Variants in JAK2 observed in about 807,000 individuals in gnomAD.
The protein encoded by JAK2 is Janus kinase 2.
A neutral mutation model predicts 139.3 loss-of-function variants in JAK2; 86 were observed. The observed-to-expected ratio is 0.62, with a 90% CI of 0.52 to 0.74. The LOEUF is 0.74. JAK2 is among the 30% of genes least tolerant of loss of function. The probability of loss-of-function intolerance (pLI) is 0.00; values close to 1 mark genes in which losing one functional copy is unlikely to be tolerated. For missense variants in JAK2, 1,421 were observed against 1,360.3 expected (o/e 1.04, Z -0.70); for synonymous variants, 490 against 437.7 (o/e 1.12, Z -1.49).
intron 5 of JAK2, among the ~76,000 whole-genome samples, chr9:5,049,662 G>GA (rs1251242072): frequency 6.6e-6 from 1 of 152,162 alleles, no homozygotes; most frequent in Non-Finnish European, 1.5e-5. Flanking sequence ...CTTGATGACT[G>GA]AGACCACATC....
chr9:5,012,100 T>C lies in JAK2; in HGVS notation c.-25-9863T>C, dbSNP rs1366716200. Among the ~76,000 whole-genome samples the C allele has an allele frequency of 3.9e-5, 6 of 152,192 alleles. No individual in the cohort carries two copies. The East Asian group carries it at 1.2e-3, about 29-fold the overall frequency. On this transcript the variant is annotated intron_variant, in intron 2 of 24. Coordinates refer to ENST00000381652, the MANE Select transcript of JAK2 (RefSeq NM_004972.4). The stretch of plus-strand genomic sequence containing the variant: ...CCCACTGACTCCCATTTTCCTGAGA[T>C]TTCTGCCCTCAATTTTTGGCTTTTC...
chr9:5,124,316 T>G (rs1474752284), intron 23 of JAK2, among the ~76,000 whole-genome samples: 1 of 151,810 alleles, frequency 6.6e-6, no homozygotes, highest in East Asian at 1.9e-4. Flanking sequence ...TTCTCTAGGT[T>G]TTTTTTCTAG....
In JAK2 at chr9:5,126,462, T is replaced by C. The variant is rs1312674050; in HGVS notation, c.3291+16T>C. ...CCCAGATGAGGTAACAATTTTTTTT[T>C]AATCCAGGGTAGTCATGCATTTTCT... On this transcript the variant is annotated intron_variant, in intron 24 of 24. Transcript: ENST00000381652. 6.7e-7 allele frequency: 1 copy of C among 1,499,978 alleles called. No individual in the cohort carries two copies. Among genetic ancestry groups the C allele is most frequent in the African/African-American group, 1.4e-5 (1 of 72,076 alleles). 92.9% of individuals were successfully genotyped at this position (1,499,978 alleles called of 1,614,324 possible).
rs143579096 is a variant in JAK2 at position 5,020,174 on chromosome 9, C to T, written c.-25-1789C>T. ...TTGTCTGTGCTTATGTCGGCAGTGA[C>T]GGCGATTGGCTGGGTAGGCAAGTCC... On this transcript the variant is annotated intron_variant, in intron 2 of 24. Transcript: ENST00000381652. 8.2e-3 allele frequency among the ~76,000 whole-genome samples: 1,254 copies of T among 152,158 alleles called. 14 individuals carry two copies. The highest frequency in any genetic ancestry group is 0.029 in the African/African-American group (1,189 of 41,494).
At chr9:5,041,537 C>T (rs1021394951) in intron 4 of JAK2, 3 of 537,120 alleles carry the variant, frequency 5.6e-6, no homozygotes, top group Admixed American at 2.2e-5. Context: ...AAGTGCTCTG[C>T]GAGAACTTCC....
intron 22 of JAK2, among the ~76,000 whole-genome samples, chr9:5,118,047 A>T (rs959047370): frequency 2.0e-5 from 3 of 152,330 alleles, no homozygotes; most frequent in East Asian, 3.8e-4. Context: ...TGACATTTAA[A>T]TAACAGCTAT....
At chr9:5,065,138 T>A in intron 9 of JAK2, 98 bp downstream of exon 9, 3 of 723,232 alleles carry the variant, frequency 4.1e-6, no homozygotes, top group Non-Finnish European at 6.0e-6. Flanking sequence ...TAGAAAAAAA[T>A]AATTTGACAA....
At chr9:5,023,806 G>C (rs1822593038) in intron 3 of JAK2, among the ~76,000 whole-genome samples, 1 of 152,242 alleles carries the variant, frequency 6.6e-6, no homozygotes, top group East Asian at 1.9e-4. Flanking sequence ...CAGTTATCTT[G>C]ACTATATTGT....
chr9:5,032,129 G>A (rs569668309), intron 4 of JAK2, among the ~76,000 whole-genome samples: 26 of 152,342 alleles, frequency 1.7e-4, no homozygotes, highest in Middle Eastern at 3.4e-3. Context: ...AGGGTCCTAC[G>A]CCCACGGAGC....
intron 14 of JAK2, among the ~76,000 whole-genome samples, chr9:5,075,913 T>A (rs1819278216): frequency 6.6e-6 from 1 of 152,118 alleles, no homozygotes; most frequent in South Asian, 2.1e-4. Context: ...TCATGGTTCA[T>A]GGAAGGAGAT....
At chr9:5,022,976 G>T (rs532007667) in intron 3 of JAK2, among the ~76,000 whole-genome samples, 66 of 152,276 alleles carry the variant, frequency 4.3e-4, no homozygotes, top group African/African-American at 1.4e-3. Flanking sequence ...ATCAGTATAG[G>T]TCAGAATAAC....
intron 22 of JAK2, among the ~76,000 whole-genome samples, chr9:5,095,957 C>T (rs1164687491): frequency 6.6e-6 from 1 of 152,172 alleles, no homozygotes; most frequent in East Asian, 1.9e-4. Flanking sequence ...CCTATAGTTT[C>T]ACTAATTCTA....
chr9:5,030,039 T>C (rs1452072116), intron 4 of JAK2, 133 bp downstream of exon 4: 1 of 681,820 alleles, frequency 1.5e-6, no homozygotes, highest in Non-Finnish European at 2.4e-6. Context: ...TAAGATTTCA[T>C]TTAAGATTCT....
intron 5 of JAK2, among the ~76,000 whole-genome samples, chr9:5,050,349 G>A (rs1586704320): frequency 6.6e-6 from 1 of 152,258 alleles, no homozygotes; most frequent in South Asian, 2.1e-4. Flanking sequence ...AGACTAGGGT[G>A]CAGTGGTGTG....
intron 19 of JAK2, chr9:5,085,791 G>T (rs578187119): frequency 6.6e-6 from 5 of 755,054 alleles, no homozygotes; most frequent in African/African-American, 1.7e-5. Flanking sequence ...AATATTACAT[G>T]CTCGGGCCAT....
At chr9:5,120,431 A>T (rs1390445280) in intron 22 of JAK2, among the ~76,000 whole-genome samples, 7 of 152,206 alleles carry the variant, frequency 4.6e-5, no homozygotes, top group Admixed American at 1.3e-4. Context: ...TCATTTTTTT[A>T]AAAACTCAAT....
At chr9:5,002,233 A>G (rs997705821) in intron 2 of JAK2, among the ~76,000 whole-genome samples, 1 of 151,846 alleles carries the variant, frequency 6.6e-6, no homozygotes, top group Non-Finnish European at 1.5e-5. Context: ...TAGGAAGCTT[A>G]CATAATTAAT....
intron 19 of JAK2, among the ~76,000 whole-genome samples, chr9:5,082,667 G>T (rs1819787911): frequency 6.6e-6 from 1 of 152,238 alleles, no homozygotes; most frequent in Non-Finnish European, 1.5e-5. Context: ...AGAAACCTTG[G>T]ACATTACCCG....
rs765286468 is a variant in JAK2 at position 5,054,648 on chromosome 9, C to T, written c.700C>T (p.Arg234Cys). ...AAGGAAGCGAATAAGGTACAGATTT[C>T]GCAGATTTATTCAGCAATTCAGCCA... ...LTRKRIRYRF[R>C]RFIQQFSQCK... The change falls in exon 7 of 25, where the codon CGC becomes TGC. Residue 234 changes from arginine to cysteine, a missense_variant. Physicochemically the swap from Arg to Cys is radical, Grantham distance 180 (BLOSUM62 -3). Coordinates refer to ENST00000381652, the MANE Select transcript of JAK2 (RefSeq NM_004972.4). The surrounding 1 kb of genome is among the most constrained non-coding windows in gnomAD (Gnocchi z 4.9). The T allele has an allele frequency of 9.3e-6, 15 of 1,613,214 alleles. No individual in the cohort carries two copies. Among genetic ancestry groups the T allele is most frequent in the Admixed American group, 1.7e-5 (1 of 59,964 alleles).
Sources: allele counts gnomAD v4.1 joint callset (sites outside exome capture counted in the v4.1 genomes callset), GRCh38; gene constraint gnomAD v4.1.1; non-coding constraint Gnocchi (gnomAD v3.1); transcripts MANE v1.5; gene names NCBI Gene and HGNC (gene_info 2026-07-23, HGNC 2026-07-21).